Variants in PPP4R3A observed in about 807,000 individuals in gnomAD.
The protein encoded by PPP4R3A is serine/threonine-protein phosphatase 4 regulatory subunit 3A.
Under a neutral mutation model 91.7 loss-of-function variants are expected in PPP4R3A, and 15 were observed. That is an observed-to-expected ratio of 0.16 (90% CI 0.11 to 0.25). PPP4R3A has a LOEUF of 0.25. Among genes scored for constraint, PPP4R3A ranks in the 10% least tolerant of loss-of-function variants. The probability of loss-of-function intolerance (pLI) is 1.00; values close to 1 mark genes in which losing one functional copy is unlikely to be tolerated. For missense variants in PPP4R3A, 623 were observed against 998.4 expected (o/e 0.62, Z 5.07); for synonymous variants, 377 against 348.7 (o/e 1.08, Z -0.91).
At chr14:91,486,892 A>C (rs989665521) in intron 2 of PPP4R3A, among the ~76,000 whole-genome samples, 4 of 140,562 alleles carry the variant, frequency 2.8e-5, no homozygotes, top group Non-Finnish European at 6.2e-5. Flanking sequence ...CAACAGGAGC[A>C]AAACTCTGTC....
At chr14:91,505,788 T>C (rs1346787561) in intron 1 of PPP4R3A, among the ~76,000 whole-genome samples, 1 of 152,182 alleles carries the variant, frequency 6.6e-6, no homozygotes, top group Non-Finnish European at 1.5e-5. Flanking sequence ...ACTCAATTTA[T>C]GGAAAATCAG....
At chr14:91,466,831 A>T (rs193083010) in intron 10 of PPP4R3A, among the ~76,000 whole-genome samples, 11 of 152,268 alleles carry the variant, frequency 7.2e-5, no homozygotes, top group Non-Finnish European at 1.6e-4. Flanking sequence ...TTTAGAGCTC[A>T]TGCTAATAGA....
intron 10 of PPP4R3A, among the ~76,000 whole-genome samples, chr14:91,470,449 T>C (rs1196480834): frequency 6.6e-6 from 1 of 152,186 alleles, no homozygotes; most frequent in Non-Finnish European, 1.5e-5. Context: ...CTGTACCATA[T>C]TCATTTCTCT....
intron 1 of PPP4R3A, among the ~76,000 whole-genome samples, chr14:91,496,852 GT>G (rs1457313391): frequency 6.6e-6 from 1 of 152,164 alleles, no homozygotes; most frequent in Non-Finnish European, 1.5e-5. Context: ...TTTATTCCTA[GT>G]CTATTGGGTT....
chr14:91,490,092 T>G (rs771282242), intron 2 of PPP4R3A, among the ~76,000 whole-genome samples: 9 of 152,238 alleles, frequency 5.9e-5, no homozygotes, highest in African/African-American at 9.6e-5. Flanking sequence ...TTGACTTCAT[T>G]GGCTATATAG....
intron 14 of PPP4R3A, among the ~76,000 whole-genome samples, chr14:91,460,715 G>GGTTCAT (rs893281870): frequency 7.3e-6 from 1 of 136,442 alleles, no homozygotes; most frequent in African/African-American, 2.7e-5. Flanking sequence ...CCGCCTCCCA[G>GGTTCAT]GTTCATGCCA....
At chr14:91,471,144 G>A (rs531684752) in intron 9 of PPP4R3A, 149 bp from the exon 10 acceptor site, 13 of 679,322 alleles carry the variant, frequency 1.9e-5, no homozygotes, top group African/African-American at 5.6e-5. Flanking sequence ...TTTACTGAAC[G>A]CCTAACATGT....
Position 91,490,813 on chromosome 14 carries a change from GA to G in PPP4R3A, c.143-12del. ...CTAAAAGTAGAGAACCTAGGAAACAGAAAAAGACATTCCATTATGTTACTGT... is the reference window on the plus strand; with the variant it reads ...CTAAAAGTAGAGAACCTAGGAAACAGAAAAGACATTCCATTATGTTACTGT... On this transcript the variant is annotated splice_polypyrimidine_tract_variant and intron_variant, in intron 1 of 14. Transcript: ENST00000554943. 4 of 1,590,956 alleles carry G rather than the reference GA, an allele frequency of 2.5e-6. No individual in the cohort carries two copies. The highest frequency in any genetic ancestry group is 3.4e-6 in the Non-Finnish European group (4 of 1,168,912).
chr14:91,500,899 G>A (rs1193046629), intron 1 of PPP4R3A, among the ~76,000 whole-genome samples: 2 of 152,126 alleles, frequency 1.3e-5, no homozygotes, highest in Admixed American at 6.6e-5. Flanking sequence ...GGACATGGTG[G>A]TATGTGCCTG....
intron 14 of PPP4R3A, among the ~76,000 whole-genome samples, chr14:91,461,024 C>A (rs1888121414): frequency 1.3e-5 from 2 of 152,174 alleles, no homozygotes; most frequent in African/African-American, 4.8e-5. Context: ...TTTAGATTAT[C>A]ATTTCCCCAC....
At chr14:91,476,810 C>A (rs1315574727) in intron 5 of PPP4R3A, 99 bp downstream of exon 5, 11 of 978,732 alleles carry the variant, frequency 1.1e-5, no homozygotes, top group Non-Finnish European at 1.7e-5. Flanking sequence ...CGTGATCCAC[C>A]CACCTCGGCC....
intron 4 of PPP4R3A, among the ~76,000 whole-genome samples, chr14:91,481,306 C>T (rs1158916124): frequency 6.6e-6 from 1 of 152,188 alleles, no homozygotes; most frequent in Non-Finnish European, 1.5e-5. Flanking sequence ...TATTGCCCTA[C>T]AGCCTGGGTG....
intron 1 of PPP4R3A, among the ~76,000 whole-genome samples, chr14:91,501,837 T>C (rs897284692): frequency 1.3e-5 from 2 of 150,106 alleles, no homozygotes; most frequent in East Asian, 1.9e-4. Context: ...CCTGAGTAGC[T>C]AGGACTACAT....
intron 11 of PPP4R3A, among the ~76,000 whole-genome samples, chr14:91,463,486 T>C (rs1888287797): frequency 6.6e-6 from 1 of 152,064 alleles, no homozygotes; most frequent in Non-Finnish European, 1.5e-5. Flanking sequence ...TAGGTTGAGA[T>C]ATAGTGGTAT....
At chr14:91,481,463 C>A (rs1457259554) in intron 4 of PPP4R3A, 113 bp downstream of exon 4, 3 of 1,113,728 alleles carry the variant, frequency 2.7e-6, no homozygotes, top group African/African-American at 1.6e-5. Context: ...AAATAACTCA[C>A]AATACTTAAC....
intron 9 of PPP4R3A, 22 bp downstream of exon 9, chr14:91,473,011 C>T: frequency 6.2e-7 from 1 of 1,605,270 alleles, no homozygotes. Flanking sequence ...GAGAACTTAA[C>T]TACCAACCTG....
At chr14:91,482,310 G>T in intron 3 of PPP4R3A, 117 bp from the exon 4 acceptor site, 1 of 1,100,162 alleles carries the variant, frequency 9.1e-7, no homozygotes, top group Non-Finnish European at 1.2e-6. Flanking sequence ...TCATTTTCAA[G>T]ACAAAACTGC....
intron 4 of PPP4R3A, among the ~76,000 whole-genome samples, chr14:91,481,183 T>C (rs1889534640): frequency 6.6e-6 from 1 of 152,022 alleles, no homozygotes. Context: ...AATACAAAAA[T>C]TGGCTGGGGG....
chr14:91,492,490 A>C (rs1890283626), intron 1 of PPP4R3A, among the ~76,000 whole-genome samples: 1 of 152,230 alleles, frequency 6.6e-6, no homozygotes, highest in East Asian at 1.9e-4. Flanking sequence ...GTACCAAGTA[A>C]TACCGAACAC....
Sources: allele counts gnomAD v4.1 joint callset (sites outside exome capture counted in the v4.1 genomes callset), GRCh38; gene constraint gnomAD v4.1.1; transcripts MANE v1.5; gene names NCBI Gene and HGNC (gene_info 2026-07-23, HGNC 2026-07-21).